ESRRG: variants seen among roughly 807,000 people sequenced by gnomAD.
ESRRG encodes estrogen-related receptor gamma.
A neutral mutation model predicts 44.0 loss-of-function variants in ESRRG; 13 were observed. The observed-to-expected ratio is 0.30, with a 90% CI of 0.19 to 0.47. The LOEUF (loss-of-function observed/expected upper bound fraction) is 0.47. Among genes scored for constraint, ESRRG ranks in the 20% least tolerant of loss-of-function variants. The pLI, the probability that ESRRG is intolerant of heterozygous loss-of-function variation, is 1.00. For synonymous variants in ESRRG, 215 were observed against 214.6 expected (o/e 1.00, Z -0.02); for missense variants, 395 against 580.6 (o/e 0.68, Z 3.29).
intron 1 of ESRRG, among the ~76,000 whole-genome samples, chr1:217,056,551 G>A (rs75709305): frequency 1.3e-5 from 2 of 151,672 alleles, no homozygotes; most frequent in Admixed American, 6.6e-5. Context: ...GCCCTTCTGT[G>A]GGCCCAGGCT....
chr1:216,582,795 T>C (rs1298791104), intron 3 of ESRRG, among the ~76,000 whole-genome samples: 2 of 152,196 alleles, frequency 1.3e-5, no homozygotes, highest in Non-Finnish European at 2.9e-5. Context: ...ATTTCTTGCA[T>C]TGTATGAAAG....
chr1:217,023,544 C>G (rs1212072864), intron 1 of ESRRG, among the ~76,000 whole-genome samples: 1 of 152,158 alleles, frequency 6.6e-6, no homozygotes, highest in African/African-American at 2.4e-5. Flanking sequence ...TCTGGAATTA[C>G]TTGGAAGGAG....
At chr1:216,994,591 T>C (rs2076135259) in intron 1 of ESRRG, among the ~76,000 whole-genome samples, 1 of 151,454 alleles carries the variant, frequency 6.6e-6, no homozygotes, top group Non-Finnish European at 1.5e-5. Flanking sequence ...CGACAACTTC[T>C]TTTTTTTTCT....
intron 2 of ESRRG, among the ~76,000 whole-genome samples, chr1:216,876,536 A>G (rs1187044258): frequency 6.6e-6 from 1 of 151,872 alleles, no homozygotes; most frequent in Non-Finnish European, 1.5e-5. Context: ...GGGAGGTGGA[A>G]ACAACACAAA....
At chr1:216,517,858 A>G (rs2044820642) in intron 6 of ESRRG, among the ~76,000 whole-genome samples, 5 of 152,152 alleles carry the variant, frequency 3.3e-5, no homozygotes, top group Non-Finnish European at 2.9e-5. Context: ...GTGGTGAGGA[A>G]GAGGGTTATA....
chr1:216,572,384 A>C (rs1573275521), intron 3 of ESRRG, among the ~76,000 whole-genome samples: 1 of 152,284 alleles, frequency 6.6e-6, no homozygotes, highest in Admixed American at 6.5e-5. Flanking sequence ...GTATTCAAAC[A>C]TGTGGACAAA....
intron 2 of ESRRG, among the ~76,000 whole-genome samples, chr1:216,912,005 G>T (rs1022936340): frequency 6.6e-6 from 1 of 151,238 alleles, no homozygotes; most frequent in Non-Finnish European, 1.5e-5. Context: ...AGGCTGAGGT[G>T]GGAGGATTGC....
At chr1:216,736,176 A>ATTTTTTTTTTTTTTTTTTTTTTTTTTT (rs34469625) in intron 2 of ESRRG, among the ~76,000 whole-genome samples, 2 of 82,688 alleles carry the variant, frequency 2.4e-5, no homozygotes, top group African/African-American at 5.0e-5. Context: ...GTTAAGGACT[A>ATTTTTTTTTTTTTTTTTTTTTTTTTTT]TTTTTTTTTT....
chr1:216,585,833 G>A (rs1004634157), intron 3 of ESRRG, among the ~76,000 whole-genome samples: 1 of 152,150 alleles, frequency 6.6e-6, no homozygotes, highest in Non-Finnish European at 1.5e-5. Context: ...GAGGTCAGGA[G>A]ATGGAGACCA....
intron 2 of ESRRG, among the ~76,000 whole-genome samples, chr1:216,667,610 C>T (rs1311351575): frequency 7.2e-6 from 1 of 139,104 alleles, no homozygotes; most frequent in Non-Finnish European, 1.5e-5. Flanking sequence ...CGCTTGAATC[C>T]GGGAGGCGGA....
chr1:216,880,665 C>T (rs189124298), intron 2 of ESRRG, among the ~76,000 whole-genome samples: 1 of 152,258 alleles, frequency 6.6e-6, no homozygotes, highest in Admixed American at 6.5e-5. Context: ...ACATCAGTTA[C>T]TCTCTCCTTT....
chr1:216,527,729 C>T (rs2048099495), intron 5 of ESRRG, among the ~76,000 whole-genome samples: 1 of 152,174 alleles, frequency 6.6e-6, no homozygotes, highest in Non-Finnish European at 1.5e-5. Context: ...CAAATACACA[C>T]ACTTCTTTCC....
At chr1:217,037,316 AGGTTTATGGACTTACAGTTCCACAT>A (rs2083073702) in intron 1 of ESRRG, among the ~76,000 whole-genome samples, 2 of 152,242 alleles carry the variant, frequency 1.3e-5, no homozygotes, top group Non-Finnish European at 2.9e-5. Flanking sequence ...TAAAACAAAG[AGGTTTATGGACTTACAGTTCCACAT>A]GGCAGGGGAG....
Position 217,004,439 on chromosome 1 carries a change from C to A in ESRRG, c.-105-64766G>T, listed in dbSNP as rs150843662. ...CCTGCACAAGCTCTTTTGCCTACCA[C>A]CATGTAAGACATGCCCTTGCTTCTC... On this transcript the variant is annotated intron_variant, in intron 1 of 7. Transcript: ENST00000359162. Among the ~76,000 whole-genome samples the A allele has an allele frequency of 3.9e-5, 6 of 152,286 alleles. No homozygotes were observed. The East Asian group carries it at 1.2e-3, about 29-fold the overall frequency.
At chr1:217,006,155 G>A (rs1011262672) in intron 1 of ESRRG, among the ~76,000 whole-genome samples, 6 of 151,974 alleles carry the variant, frequency 3.9e-5, no homozygotes, top group African/African-American at 1.2e-4. Context: ...ACAATACAGT[G>A]TAGAAAAATA....
At chr1:217,135,766 G>C (rs969341133) in intron 1 of ESRRG, among the ~76,000 whole-genome samples, 1 of 152,216 alleles carries the variant, frequency 6.6e-6, no homozygotes, top group Admixed American at 6.5e-5. Flanking sequence ...CGACGGAGTC[G>C]GGCCGCTGGG....
chr1:216,629,101 C>T (rs1447085394), intron 3 of ESRRG, among the ~76,000 whole-genome samples: 1 of 152,212 alleles, frequency 6.6e-6, no homozygotes, highest in East Asian at 1.9e-4. Flanking sequence ...GCCACTTTGT[C>T]CTATACCCCA....
At chr1:216,878,594 G>A (rs2096393768) in intron 2 of ESRRG, among the ~76,000 whole-genome samples, 1 of 152,086 alleles carries the variant, frequency 6.6e-6, no homozygotes, top group African/African-American at 2.4e-5. Flanking sequence ...GCATTAGGAA[G>A]AAACCCAGTT....
chr1:216,805,035 T>G (rs2094744272), intron 2 of ESRRG: 2 of 152,176 alleles, frequency 1.3e-5, no homozygotes, highest in African/African-American at 4.8e-5. Context: ...ACACCACTCT[T>G]GGTATAGCTG....
Sources: allele counts gnomAD v4.1 joint callset (sites outside exome capture counted in the v4.1 genomes callset), GRCh38; gene constraint gnomAD v4.1.1; transcripts MANE v1.5; gene names NCBI Gene and HGNC (gene_info 2026-07-23, HGNC 2026-07-21).